TRA2A: variants seen among roughly 807,000 people sequenced by gnomAD.
The protein encoded by TRA2A is transformer 2 alpha homolog.
A neutral mutation model predicts 45.7 loss-of-function variants in TRA2A; 31 were observed. The observed-to-expected ratio is 0.68, with a 90% CI of 0.51 to 0.92. The LOEUF is 0.92. Ranked by LOEUF, TRA2A falls within the 40% of genes least tolerant of loss-of-function variation. TRA2A has a pLI of 0.00. For synonymous variants in TRA2A, 132 were observed against 126.2 expected, an observed-to-expected ratio of 1.05 and a Z score of -0.31; for missense variants, 304 against 367.5, an observed-to-expected ratio of 0.83 and a Z score of 1.41.
At position 23,521,857 on chromosome 7, in the gene TRA2A, T is replaced by C. The variant is rs778715208; in HGVS notation, c.37-17A>G. The C allele has an allele frequency of 1.2e-5, 19 of 1,613,968 alleles. No individual in the cohort carries two copies. Among genetic ancestry groups the C allele is most frequent in the Non-Finnish European group, 1.5e-5 (18 of 1,180,002 alleles). On this transcript the variant is annotated splice_polypyrimidine_tract_variant and intron_variant, in intron 1 of 7. Transcript: ENST00000297071. The stretch of plus-strand genomic sequence containing the variant: ...GCGAGACTCCTAACAAAGAAGACAG[T>C]ATTACAAATGGCACTGGTCATGTAG...
Position 23,512,929 on chromosome 7 carries a change from A to G in TRA2A, c.490T>C (p.Phe164Leu). 2 of 1,613,632 alleles carry G rather than the reference A, an allele frequency of 1.2e-6. No individual in the cohort carries two copies. Among genetic ancestry groups the G allele is most frequent in the South Asian group, 1.1e-5 (1 of 90,934 alleles). The change falls in exon 4 of 8, where the codon TTT (phenylalanine) becomes CTT (leucine). Residue 164 changes from phenylalanine to leucine, a missense_variant. By Grantham distance (22) the Phe-to-Leu change is conservative (BLOSUM62 0). Coordinates refer to ENST00000297071, the MANE Select transcript of TRA2A (RefSeq NM_013293.5). ...TCATCTATTCTCTCAAAATACACAA[A>G]AGCAAATCCTCGAGATCGCCCAGTT... Reference protein sequence around the residue: ...QRTGRSRGFAFVYFERIDDSK... With the variant: ...QRTGRSRGFALVYFERIDDSK...
At chr7:23,514,986 C>T (rs988542880) in intron 3 of TRA2A, among the ~76,000 whole-genome samples, 1 of 152,120 alleles carries the variant, frequency 6.6e-6, no homozygotes, top group African/African-American at 2.4e-5. Flanking sequence ...TAAACCAAAA[C>T]CAAAACTAAA....
At chr7:23,531,255 G>A in intron 1 of TRA2A, 1 of 987,406 alleles carries the variant, frequency 1.0e-6, no homozygotes, top group Non-Finnish European at 1.2e-6. Flanking sequence ...GGTTCCAACA[G>A]AGACGCGGCC....
intron 2 of TRA2A, among the ~76,000 whole-genome samples, chr7:23,518,812 G>A (rs916224469): frequency 6.6e-6 from 1 of 151,494 alleles, no homozygotes; most frequent in Admixed American, 6.6e-5. Flanking sequence ...AGCCTCCCGA[G>A]TTCCTGGGAA....
intron 1 of TRA2A, chr7:23,531,361 C>T: frequency 1.9e-6 from 1 of 517,884 alleles, no homozygotes; most frequent in Non-Finnish European, 2.5e-6. Flanking sequence ...CTTTCGATCC[C>T]GAGACCCTCT....
intron 1 of TRA2A, among the ~76,000 whole-genome samples, chr7:23,527,436 T>C (rs1046821378): frequency 6.6e-6 from 1 of 152,210 alleles, no homozygotes; most frequent in Non-Finnish European, 1.5e-5. Flanking sequence ...TGTGAGGACA[T>C]ATGAACAAAT....
intron 1 of TRA2A, among the ~76,000 whole-genome samples, chr7:23,530,485 A>C (rs1317923475): frequency 6.6e-6 from 1 of 152,188 alleles, no homozygotes; most frequent in Admixed American, 6.5e-5. Flanking sequence ...CACACACCTC[A>C]GGTGTTTTTA....
chr7:23,531,938 G>C lies in TRA2A; in HGVS notation c.-114C>G, dbSNP rs1584155641. ...GAAGAGGAAAGAGTCGGCAACCACA[G>C]CCGCTCCACTCCACTCCCACTCGGT... is the stretch of plus-strand genomic sequence containing the variant. On this transcript the variant is annotated 5_prime_UTR_variant, in exon 1 of 8. Transcript: ENST00000297071. 8.5e-7 allele frequency: 1 copy of C among 1,170,318 alleles called. No individual in the cohort carries two copies. 72.5% of individuals were successfully genotyped at this position (1,170,318 alleles called of 1,614,324 possible). A position where few individuals can be genotyped will look rare whatever the true frequency, so the allele number is the denominator to read the frequency against.
chr7:23,507,187 G>C (rs1789382030), intron 5 of TRA2A: 1 of 489,840 alleles, frequency 2.0e-6, no homozygotes, highest in African/African-American at 1.9e-5. Context: ...TGCAACCTCT[G>C]CCTCCCAAGT....
chr7:23,508,924 A>G (rs908730526), intron 4 of TRA2A, among the ~76,000 whole-genome samples: 12 of 152,296 alleles, frequency 7.9e-5, no homozygotes, highest in South Asian at 2.1e-4. Flanking sequence ...ATTCTTGAAG[A>G]TAAGAGTTGT....
intron 1 of TRA2A, among the ~76,000 whole-genome samples, chr7:23,529,501 C>CA (rs1790479251): frequency 1.3e-5 from 2 of 152,100 alleles, no homozygotes; most frequent in African/African-American, 4.8e-5. Context: ...CTCAAGTAAT[C>CA]CACCCGCCTC....
intron 1 of TRA2A, among the ~76,000 whole-genome samples, chr7:23,524,466 G>A (rs148899045): frequency 0.012 from 1,773 of 152,200 alleles, 18 homozygotes; most frequent in South Asian, 0.044. Flanking sequence ...TTACAGGTGT[G>A]AGCCACCGCG....
chr7:23,519,131 C>T lies in TRA2A; in HGVS notation c.170+2576G>A, dbSNP rs571385943. 8.8e-4 allele frequency among the ~76,000 whole-genome samples: 134 copies of T among 152,288 alleles called. 1 individual carries two copies. The highest frequency in any genetic ancestry group is 2.9e-3 in the African/African-American group (122 of 41,560). ...CCGACAGGCCGGGCACGGTGGCTCA[C>T]GCCTGTAATCCCAGCCCTTTGGGAG... On this transcript the variant is annotated intron_variant, in intron 2 of 7. Transcript: ENST00000297071.
At chr7:23,506,827 G>A (rs966880078) in intron 5 of TRA2A, among the ~76,000 whole-genome samples, 4 of 152,126 alleles carry the variant, frequency 2.6e-5, no homozygotes, top group African/African-American at 4.8e-5. Context: ...CCAGGCTGGA[G>A]TGCAGTGGTG....
chr7:23,509,772 C>T (rs543697395), intron 4 of TRA2A, among the ~76,000 whole-genome samples: 35 of 151,972 alleles, frequency 2.3e-4, no homozygotes, highest in African/African-American at 8.0e-4. Flanking sequence ...GTGGCTCATG[C>T]CTGTAATCCT....
At chr7:23,527,364 A>G (rs1030034297) in intron 1 of TRA2A, among the ~76,000 whole-genome samples, 4 of 152,168 alleles carry the variant, frequency 2.6e-5, no homozygotes, top group Admixed American at 2.6e-4. Context: ...TTCAGTGTAT[A>G]CAATCTTTCC....
In TRA2A at chr7:23,531,953, T is replaced by C. The variant is rs2128003130; in HGVS notation, c.-129A>G. 1 of 971,460 alleles carries C rather than the reference T, an allele frequency of 1.0e-6. No individual in the cohort carries two copies. The highest frequency in any genetic ancestry group is 1.6e-6 in the Non-Finnish European group (1 of 643,566). The allele number at this position is 971,460 out of a possible 1,614,324, so 60.2% of individuals were successfully genotyped here. Reference sequence around the variant, plus strand: ...GGCAACCACAGCCGCTCCACTCCACTCCCACTCGGTCGCAGGCTCCAGCAA... The same window carrying C: ...GGCAACCACAGCCGCTCCACTCCACCCCCACTCGGTCGCAGGCTCCAGCAA... On this transcript the variant is annotated 5_prime_UTR_variant, in exon 1 of 8. Coordinates refer to ENST00000297071, the MANE Select transcript of TRA2A (RefSeq NM_013293.5).
intron 2 of TRA2A, 128 bp downstream of exon 2, chr7:23,521,579 A>G: frequency 9.3e-7 from 1 of 1,076,116 alleles, no homozygotes; most frequent in Non-Finnish European, 1.4e-6. Context: ...TTCATTTACA[A>G]AGAGCAGTCT....
intron 3 of TRA2A, among the ~76,000 whole-genome samples, chr7:23,515,631 C>T (rs981252732): frequency 6.6e-6 from 1 of 151,934 alleles, no homozygotes; most frequent in Non-Finnish European, 1.5e-5. Context: ...CTGCAACCTC[C>T]ACCTCCTGGG....
Sources: allele counts gnomAD v4.1 joint callset (sites outside exome capture counted in the v4.1 genomes callset), GRCh38; gene constraint gnomAD v4.1.1; transcripts MANE v1.5; gene names NCBI Gene and HGNC (gene_info 2026-07-23, HGNC 2026-07-21).